FRAS1: variants seen among roughly 807,000 people sequenced by gnomAD.
FRAS1 encodes Fraser extracellular matrix complex subunit 1.
In FRAS1, 290 loss-of-function variants were observed where a neutral mutation model predicts 435.2. That is an observed-to-expected ratio of 0.67 (90% CI 0.61 to 0.73). FRAS1 has a LOEUF of 0.73. FRAS1 is among the 30% of genes least tolerant of loss of function. The probability of loss-of-function intolerance (pLI) is 0.00; values close to 1 mark genes in which losing one functional copy is unlikely to be tolerated. For missense variants in FRAS1, 4,860 were observed against 5,001.5 expected, an observed-to-expected ratio of 0.97 and a Z score of 0.85; for synonymous variants, 1,800 against 1,851.0, an observed-to-expected ratio of 0.97 and a Z score of 0.71.
At chr4:78,221,975 T>C (rs574073217) in intron 2 of FRAS1, among the ~76,000 whole-genome samples, 9 of 152,220 alleles carry the variant, frequency 5.9e-5, no homozygotes, top group Non-Finnish European at 1.2e-4. Context: ...TTATCCTCAG[T>C]GTGACCAGAT....
At chr4:78,079,419 T>C (rs1454141253) in intron 2 of FRAS1, among the ~76,000 whole-genome samples, 1 of 152,084 alleles carries the variant, frequency 6.6e-6, no homozygotes. Flanking sequence ...TTCTCAAAGA[T>C]AGGAGCAAAG....
chr4:78,402,396 A>C (rs1184530785), intron 30 of FRAS1, among the ~76,000 whole-genome samples: 2 of 152,246 alleles, frequency 1.3e-5, no homozygotes, highest in East Asian at 3.9e-4. Context: ...CTAATCGAGA[A>C]TTGGTATTAT....
At chr4:78,115,577 A>T (rs1743103759) in intron 2 of FRAS1, among the ~76,000 whole-genome samples, 1 of 152,134 alleles carries the variant, frequency 6.6e-6, no homozygotes, top group Non-Finnish European at 1.5e-5. Flanking sequence ...TGTGTCCAGG[A>T]ATTTATCCAT....
chr4:78,253,874 C>T (rs915941213), intron 5 of FRAS1, among the ~76,000 whole-genome samples: 3 of 136,298 alleles, frequency 2.2e-5, no homozygotes, highest in Non-Finnish European at 3.3e-5. Flanking sequence ...AAAGGAATAA[C>T]TCAGTTCTCT....
intron 2 of FRAS1, among the ~76,000 whole-genome samples, chr4:78,105,983 T>A (rs1308622060): frequency 3.0e-5 from 4 of 133,116 alleles, no homozygotes; most frequent in Non-Finnish European, 6.5e-5. Context: ...AAGAAAGGGG[T>A]GACGGATGCA....
At chr4:78,433,540 A>C (rs1734292970) in intron 38 of FRAS1, among the ~76,000 whole-genome samples, 1 of 152,208 alleles carries the variant, frequency 6.6e-6, no homozygotes, top group African/African-American at 2.4e-5. Flanking sequence ...GCAGCATGTA[A>C]GATCAAGCAT....
chr4:78,307,620 A>C (rs1040421724), intron 14 of FRAS1, among the ~76,000 whole-genome samples: 1 of 152,234 alleles, frequency 6.6e-6, no homozygotes, highest in African/African-American at 2.4e-5. Context: ...CCGATTTTCC[A>C]GGTGCCGTCT....
chr4:78,058,118 G>A (rs778981554), intron 1 of FRAS1, 33 bp downstream of exon 1: 15 of 1,540,932 alleles, frequency 9.7e-6, no homozygotes, highest in Non-Finnish European at 1.3e-5. Context: ...GTGTGTGTGT[G>A]TGCGTGTGCG....
intron 6 of FRAS1, among the ~76,000 whole-genome samples, chr4:78,261,081 CTCA>C (rs1274113633): frequency 6.6e-6 from 1 of 151,892 alleles, no homozygotes; most frequent in African/African-American, 2.4e-5. Context: ...CATGTTCTCT[CTCA>C]TCATTTTTCA....
chr4:78,125,583 T>A (rs1328499449), intron 2 of FRAS1, among the ~76,000 whole-genome samples: 4 of 152,042 alleles, frequency 2.6e-5, no homozygotes, highest in Admixed American at 2.6e-4. Context: ...TTTTTGTTGA[T>A]GTTGATGCTA....
chr4:78,515,650 C>T (rs1578368714), intron 65 of FRAS1, 149 bp from the exon 66 acceptor site: 1 of 670,328 alleles, frequency 1.5e-6, no homozygotes, highest in Non-Finnish European at 2.6e-6. Context: ...CACATTCTCC[C>T]TGCACATTGG....
intron 12 of FRAS1, among the ~76,000 whole-genome samples, chr4:78,284,124 C>G (rs1191548363): frequency 6.6e-6 from 1 of 151,744 alleles, no homozygotes; most frequent in Non-Finnish European, 1.5e-5. Context: ...TTGAAGTATT[C>G]CAGCAGGTAG....
At chr4:78,381,223 G>A (rs144321980) in intron 27 of FRAS1, among the ~76,000 whole-genome samples, 15 of 152,332 alleles carry the variant, frequency 9.8e-5, no homozygotes, top group Admixed American at 9.1e-4. Context: ...TTGCTACAGA[G>A]ATGGAGCTTA....
At chr4:78,366,907 G>A (rs1447261113) in intron 22 of FRAS1, among the ~76,000 whole-genome samples, 1 of 152,196 alleles carries the variant, frequency 6.6e-6, no homozygotes, top group Non-Finnish European at 1.5e-5. Flanking sequence ...GACAGGGTCA[G>A]CCATTTACTC....
In FRAS1 at chr4:78,267,294, T is replaced by C; in HGVS notation, c.843T>C (p.Pro281=). 1.9e-6 allele frequency: 3 copies of C among 1,613,900 alleles called. No individual in the cohort carries two copies. Among genetic ancestry groups the C allele is most frequent in the African/African-American group, 1.3e-5 (1 of 75,042 alleles). The stretch of plus-strand genomic sequence containing the variant: ...AATGCTGTGAGGAATGTGTGTCTCC[T>C]GCCGGGAGCTGCTCCTATGATGGAG... ...HGQCCEECVS[P]AGSCSYDGVV... The change falls in exon 9 of 74, where the codon CCT becomes CCC. Residue 281 remains proline (P), a synonymous_variant. Coordinates refer to ENST00000512123, the MANE Select transcript of FRAS1 (RefSeq NM_025074.7).
chr4:78,464,461 A>T lies in FRAS1; in HGVS notation c.6907A>T (p.Ile2303Phe). 1 of 1,614,006 alleles carries T rather than the reference A, an allele frequency of 6.2e-7. No homozygotes were observed. The highest frequency in any genetic ancestry group is 8.5e-7 in the Non-Finnish European group (1 of 1,179,872). The change falls in exon 49 of 74, where the codon ATC becomes TTC. Residue 2303 changes from isoleucine (I) to phenylalanine (F), a missense_variant. Ile to Phe is a conservative substitution (Grantham distance 21, BLOSUM62 0). Transcript: ENST00000512123. ...GVSEVTQTFH[I>F]TLHPVDDSLP... The stretch of plus-strand genomic sequence containing the variant: ...ATTCTAGGTGACTCAGACTTTCCAT[A>T]TCACTCTTCACCCTGTCGATGATTC...
chr4:78,340,331 T>C (rs943609050), intron 20 of FRAS1, among the ~76,000 whole-genome samples: 2 of 152,250 alleles, frequency 1.3e-5, no homozygotes, highest in Non-Finnish European at 2.9e-5. Flanking sequence ...CATTTATTGA[T>C]TAAAGACTGG....
At chr4:78,152,354 G>A (rs1254774144) in intron 2 of FRAS1, among the ~76,000 whole-genome samples, 1 of 151,960 alleles carries the variant, frequency 6.6e-6, no homozygotes, top group African/African-American at 2.4e-5. Flanking sequence ...GCTTAAGGCA[G>A]CCAAACATAT....
intron 2 of FRAS1, among the ~76,000 whole-genome samples, chr4:78,167,307 T>G (rs775834265): frequency 5.9e-5 from 9 of 151,678 alleles, no homozygotes; most frequent in African/African-American, 1.4e-4. Context: ...GCTCACAGTC[T>G]GTTAACAGAC....
Sources: allele counts gnomAD v4.1 joint callset (sites outside exome capture counted in the v4.1 genomes callset), GRCh38; gene constraint gnomAD v4.1.1; transcripts MANE v1.5; gene names NCBI Gene and HGNC (gene_info 2026-07-23, HGNC 2026-07-21).